The following RIC8B variants were observed in gnomAD, a reference collection of about 807,000 sequenced individuals.
The protein encoded by RIC8B is chaperone Ric-8B.
RIC8B carries 16 observed loss-of-function variants against 57.5 expected under a neutral mutation model. The observed-to-expected ratio is 0.28, with a 90% CI of 0.19 to 0.42. The LOEUF is 0.42. Among genes scored for constraint, RIC8B ranks in the 10% least tolerant of loss-of-function variants. The pLI is 1.00. For missense variants in RIC8B, 481 were observed against 677.0 expected, an observed-to-expected ratio of 0.71 and a Z score of 3.21; for synonymous variants, 216 against 250.8, an observed-to-expected ratio of 0.86 and a Z score of 1.31.
At position 106,886,075 on chromosome 12, in the gene RIC8B, G is replaced by A; in HGVS notation, c.*60G>A. The A allele has an allele frequency of 2.5e-6, 3 of 1,191,372 alleles. No homozygotes were observed. The highest frequency in any genetic ancestry group is 3.7e-6 in the Non-Finnish European group (3 of 803,792). The allele number at this position is 1,191,372 out of a possible 1,614,324, so 73.8% of individuals were successfully genotyped here. On this transcript the variant is annotated 3_prime_UTR_variant, in exon 10 of 10. Transcript: ENST00000392837. ...TCAGCATCTTTTCTCTGTAGCTCCA[G>A]GGGAATCTTTTCTCTAAAACATTTA...
At chr12:106,863,388 C>A (rs1950016930) in intron 8 of RIC8B, among the ~76,000 whole-genome samples, 1 of 152,036 alleles carries the variant, frequency 6.6e-6, no homozygotes, top group Non-Finnish European at 1.5e-5. Context: ...GTGTTTCCTT[C>A]TTGACCATAT....
chr12:106,786,431 G>A (rs2044030381), intron 2 of RIC8B, among the ~76,000 whole-genome samples: 1 of 152,090 alleles, frequency 6.6e-6, no homozygotes, highest in Non-Finnish European at 1.5e-5. Context: ...TTACAGGCGT[G>A]AGCCACCGCA....
intron 8 of RIC8B, chr12:106,868,444 C>A (rs1950231517): frequency 2.5e-6 from 1 of 395,068 alleles, no homozygotes; most frequent in Non-Finnish European, 5.0e-6. Context: ...ATAATAAGCA[C>A]CTTTATTCAT....
Position 106,785,069 on chromosome 12 carries a change from A to G in RIC8B, c.132+1025A>G, listed in dbSNP as rs75560984. Among the ~76,000 whole-genome samples, 1,379 of 152,264 alleles carry G rather than the reference A, an allele frequency of 9.1e-3. 19 individuals are homozygous for G. The highest frequency in any genetic ancestry group is 0.025 in the African/African-American group (1,035 of 41,554). On this transcript the variant is annotated intron_variant, in intron 2 of 9. Coordinates refer to ENST00000392837, the MANE Select transcript of RIC8B (RefSeq NM_001330145.2). ...TCCTTAGCCTTAAAACCCTTCATCT[A>G]TCCCTTCATTGACTTTCTTTACCTA...
At chr12:106,831,356 A>G (rs1158380098) in intron 4 of RIC8B, among the ~76,000 whole-genome samples, 1 of 152,224 alleles carries the variant, frequency 6.6e-6, no homozygotes, top group Non-Finnish European at 1.5e-5. Flanking sequence ...AATTTTTTTA[A>G]TCACTTTGCA....
At chr12:106,779,314 C>A (rs1202681800) in intron 1 of RIC8B, among the ~76,000 whole-genome samples, 1 of 151,930 alleles carries the variant, frequency 6.6e-6, no homozygotes, top group Non-Finnish European at 1.5e-5. Flanking sequence ...TAACTGCAGC[C>A]TCCGCCTCCC....
intron 4 of RIC8B, among the ~76,000 whole-genome samples, chr12:106,839,235 A>AGC (rs1335561360): frequency 1.3e-5 from 2 of 152,214 alleles, no homozygotes; most frequent in Non-Finnish European, 2.9e-5. Flanking sequence ...TGGTCCTTAC[A>AGC]GCACTGTTCA....
At chr12:106,849,778 A>G (rs1949382593) in intron 6 of RIC8B, among the ~76,000 whole-genome samples, 1 of 152,360 alleles carries the variant, frequency 6.6e-6, no homozygotes, top group African/African-American at 2.4e-5. Flanking sequence ...GATCTATCAT[A>G]GATATAATTA....
intron 2 of RIC8B, among the ~76,000 whole-genome samples, chr12:106,813,998 G>A (rs1411848889): frequency 6.6e-6 from 1 of 152,154 alleles, no homozygotes; most frequent in Non-Finnish European, 1.5e-5. Context: ...TTGATAGCAA[G>A]GTTTGGAACC....
intron 8 of RIC8B, among the ~76,000 whole-genome samples, chr12:106,866,222 T>C (rs1297103430): frequency 6.6e-6 from 1 of 152,188 alleles, no homozygotes; most frequent in African/African-American, 2.4e-5. Context: ...GTCCCCAGAA[T>C]AGTGCCCAGC....
At chr12:106,797,704 T>TACACC (rs2044545968) in intron 2 of RIC8B, among the ~76,000 whole-genome samples, 1 of 152,250 alleles carries the variant, frequency 6.6e-6, no homozygotes, top group Non-Finnish European at 1.5e-5. Flanking sequence ...ATGTATCCTC[T>TACACC]ACACCCATCA....
At chr12:106,853,295 A>G (rs1001909861) in intron 7 of RIC8B, among the ~76,000 whole-genome samples, 2 of 151,780 alleles carry the variant, frequency 1.3e-5, no homozygotes, top group Non-Finnish European at 2.9e-5. Context: ...AATTGCATTT[A>G]TAAGTGAATT....
At chr12:106,885,355 G>A (rs967770706) in intron 9 of RIC8B, among the ~76,000 whole-genome samples, 3 of 152,018 alleles carry the variant, frequency 2.0e-5, no homozygotes, top group African/African-American at 7.2e-5. Context: ...GAGAGAGAAG[G>A]AAAGAAAAGT....
intron 8 of RIC8B, among the ~76,000 whole-genome samples, chr12:106,869,515 G>A (rs764447518): frequency 3.3e-5 from 5 of 151,436 alleles, no homozygotes; most frequent in Non-Finnish European, 7.4e-5. Flanking sequence ...ACTCCACATT[G>A]TGTATATTTG....
At chr12:106,774,869 C>G (rs1228179799) in intron 1 of RIC8B, 40 bp downstream of exon 1, 7 of 1,461,278 alleles carry the variant, frequency 4.8e-6, no homozygotes, top group Middle Eastern at 1.7e-4. Context: ...ATCGCACCCC[C>G]GGGCCGCCCT....
chr12:106,804,847 G>C (rs1419195540), intron 2 of RIC8B, among the ~76,000 whole-genome samples: 1 of 152,142 alleles, frequency 6.6e-6, no homozygotes, highest in Non-Finnish European at 1.5e-5. Context: ...TGGATTTAGA[G>C]GTGGAAGGGA....
intron 2 of RIC8B, among the ~76,000 whole-genome samples, chr12:106,790,322 G>A (rs148857804): frequency 3.0e-4 from 46 of 152,284 alleles, no homozygotes; most frequent in African/African-American, 1.1e-3. Flanking sequence ...AACCATTTAG[G>A]TAACTAGATT....
rs535280657 is a variant in RIC8B, at chr12:106,866,401, T to C, written c.1452-4422T>C. Among the ~76,000 whole-genome samples the C allele has an allele frequency of 1.1e-4, 17 of 152,290 alleles. No individual in the cohort carries two copies. In the South Asian group the frequency reaches 3.1e-3, roughly 28 times the overall value. ...AATAGAATTCAAGAAAATTCAGATA[T>C]GGTAAATTTCCATTTTGTTCTTTAT... On this transcript the variant is annotated intron_variant, in intron 8 of 9. Coordinates refer to ENST00000392837, the MANE Select transcript of RIC8B (RefSeq NM_001330145.2).
At position 106,814,974 on chromosome 12, in the gene RIC8B, A is replaced by C; in HGVS notation, c.411A>C (p.Glu137Asp). 6.2e-7 allele frequency: 1 copy of C among 1,614,202 alleles called. No individual in the cohort carries two copies. Among genetic ancestry groups the C allele is most frequent in the Non-Finnish European group, 8.5e-7 (1 of 1,180,024 alleles). ...NSQMAQQLSL[E>D]LNLAAKLCNL... ...AGATGGCACAGCAGCTCAGCCTGGA[A>C]CTTAATCTTGCTGCAAAGCTCTGTA... The change falls in exon 3 of 10, where the codon GAA becomes GAC. Residue 137 changes from glutamate to aspartate, a missense_variant. Around this residue, in one of 3 missense-constraint regions of RIC8B, gnomAD observed 421 missense variants for 560.9 expected, o/e 0.75. Coordinates refer to ENST00000392837, the MANE Select transcript of RIC8B (RefSeq NM_001330145.2).
Sources: allele counts gnomAD v4.1 joint callset (sites outside exome capture counted in the v4.1 genomes callset), GRCh38; gene constraint gnomAD v4.1.1; regional missense constraint gnomAD v4.1.1; transcripts MANE v1.5; gene names NCBI Gene and HGNC (gene_info 2026-07-23, HGNC 2026-07-21).